Variants in PARD3 observed in about 807,000 individuals in gnomAD.
PARD3 encodes partitioning defective 3 homolog.
In PARD3, 75 loss-of-function variants were observed where a neutral mutation model predicts 155.4. The observed-to-expected ratio is 0.48, with a 90% confidence interval of 0.40 to 0.58. The LOEUF is 0.58. PARD3 is among the 20% of genes least tolerant of loss of function. PARD3 has a pLI of 0.00. For synonymous variants in PARD3, 576 were observed against 610.5 expected (o/e 0.94, Z 0.83); for missense variants, 1,642 against 1,721.7 (o/e 0.95, Z 0.82).
chr10:34,513,438 G>A (rs1267407617), intron 3 of PARD3, among the ~76,000 whole-genome samples: 8 of 152,028 alleles, frequency 5.3e-5, no homozygotes, highest in African/African-American at 1.5e-4. Flanking sequence ...GTGCCACCAC[G>A]CCCAGGTAAT....
At chr10:34,780,309 GT>G (rs1351311077) in intron 1 of PARD3, among the ~76,000 whole-genome samples, 1 of 152,196 alleles carries the variant, frequency 6.6e-6, no homozygotes, top group Non-Finnish European at 1.5e-5. Context: ...CCAAGTACTG[GT>G]TTACGGCAGA....
intron 1 of PARD3, among the ~76,000 whole-genome samples, chr10:34,803,250 T>TGAATA (rs1554836545): frequency 2.0e-5 from 3 of 147,074 alleles, no homozygotes; most frequent in South Asian, 2.2e-4. Flanking sequence ...AAAAAATAAA[T>TGAATA]AATAACAAAA....
At chr10:34,223,224 T>C (rs1952405942) in intron 22 of PARD3, among the ~76,000 whole-genome samples, 1 of 152,030 alleles carries the variant, frequency 6.6e-6, no homozygotes, top group African/African-American at 2.4e-5. Flanking sequence ...GAGGACAGGA[T>C]GTTACACAAG....
At chr10:34,586,632 T>C (rs1038210645) in intron 2 of PARD3, among the ~76,000 whole-genome samples, 1 of 152,158 alleles carries the variant, frequency 6.6e-6, no homozygotes, top group Admixed American at 6.5e-5. Context: ...TGAAAAATAT[T>C]TGCTAGATGA....
chr10:34,799,311 G>T (rs969135064), intron 1 of PARD3, among the ~76,000 whole-genome samples: 1 of 152,116 alleles, frequency 6.6e-6, no homozygotes, highest in African/African-American at 2.4e-5. Flanking sequence ...CAAAGTGCTG[G>T]GATTACAAGC....
chr10:34,462,695 TGGGTG>T (rs2132969219), intron 4 of PARD3, among the ~76,000 whole-genome samples: 1 of 150,336 alleles, frequency 6.7e-6, no homozygotes, highest in South Asian at 2.1e-4. Flanking sequence ...AAAAAATAGC[TGGGTG>T]GGGTGGCCCA....
chr10:34,240,453 CAGATAATTTTA>C (rs1374320456), intron 22 of PARD3, among the ~76,000 whole-genome samples: 1 of 152,068 alleles, frequency 6.6e-6, no homozygotes, highest in Non-Finnish European at 1.5e-5. Context: ...CTTTCATATT[CAGATAATTTTA>C]AGCTTTAGTC....
intron 23 of PARD3, among the ~76,000 whole-genome samples, chr10:34,126,945 G>C (rs1207126031): frequency 1.3e-5 from 2 of 151,928 alleles, no homozygotes; most frequent in Non-Finnish European, 2.9e-5. Context: ...GCTAATACAA[G>C]CCAAGTTGTC....
At chr10:34,567,892 T>C (rs1269378726) in intron 2 of PARD3, among the ~76,000 whole-genome samples, 3 of 152,240 alleles carry the variant, frequency 2.0e-5, no homozygotes, top group African/African-American at 7.2e-5. Flanking sequence ...TGTTGTAGGC[T>C]CTAGCTAGCA....
At chr10:34,628,669 A>C (rs1475011563) in intron 2 of PARD3, among the ~76,000 whole-genome samples, 1 of 152,216 alleles carries the variant, frequency 6.6e-6, no homozygotes, top group Non-Finnish European at 1.5e-5. Flanking sequence ...CAGAAAGCAA[A>C]AAGCTTTGAC....
intron 22 of PARD3, among the ~76,000 whole-genome samples, chr10:34,195,169 T>C (rs867468877): frequency 6.6e-5 from 10 of 152,198 alleles, no homozygotes; most frequent in Non-Finnish European, 1.2e-4. Flanking sequence ...TTGAACACAA[T>C]TAATCCAATG....
intron 2 of PARD3, among the ~76,000 whole-genome samples, chr10:34,667,703 A>G (rs1477846092): frequency 6.6e-6 from 1 of 152,234 alleles, no homozygotes; most frequent in East Asian, 1.9e-4. Context: ...CCAGGCCAGT[A>G]AGACCAGCCC....
chr10:34,177,542 G>A (rs946196316), intron 22 of PARD3, among the ~76,000 whole-genome samples: 18 of 152,256 alleles, frequency 1.2e-4, no homozygotes, highest in Admixed American at 3.3e-4. Context: ...GTCATTCTTC[G>A]TTCTCTCCGA....
At chr10:34,123,588 G>T (rs11009654) in intron 23 of PARD3, among the ~76,000 whole-genome samples, 2,169 of 151,996 alleles carry the variant, frequency 0.014, 12 homozygotes, top group Middle Eastern at 0.027. Flanking sequence ...ACCATGCCTG[G>T]TTAATTTTTT....
At chr10:34,113,720 A>G (rs1430679513) in intron 24 of PARD3, among the ~76,000 whole-genome samples, 1 of 152,152 alleles carries the variant, frequency 6.6e-6, no homozygotes, top group Non-Finnish European at 1.5e-5. Context: ...GGCTTAGAGC[A>G]ACGTAGATTC....
chr10:34,454,904 A>G (rs1263212503), intron 4 of PARD3, among the ~76,000 whole-genome samples: 1 of 152,030 alleles, frequency 6.6e-6, no homozygotes, highest in Non-Finnish European at 1.5e-5. Flanking sequence ...TTTCAGGGTA[A>G]GGAAAGTAAG....
chr10:34,503,409 T>C (rs903091550), intron 3 of PARD3, among the ~76,000 whole-genome samples: 3 of 152,204 alleles, frequency 2.0e-5, no homozygotes, highest in Non-Finnish European at 4.4e-5. Flanking sequence ...CTAACTGTAT[T>C]TTCTCATCTT....
At chr10:34,408,216 C>CAA (rs150007962) in intron 5 of PARD3, among the ~76,000 whole-genome samples, 28 of 137,848 alleles carry the variant, frequency 2.0e-4, no homozygotes, top group African/African-American at 4.1e-4. Context: ...TTAGAAAGCA[C>CAA]AAAAAAAAAA....
chr10:34,583,182 A>G (rs2087657016), intron 2 of PARD3, among the ~76,000 whole-genome samples: 1 of 152,246 alleles, frequency 6.6e-6, no homozygotes, highest in Non-Finnish European at 1.5e-5. Context: ...ACAAATACTG[A>G]ATAAATATAA....
Sources: allele counts gnomAD v4.1 joint callset (sites outside exome capture counted in the v4.1 genomes callset), GRCh38; gene constraint gnomAD v4.1.1; transcripts MANE v1.5; gene names NCBI Gene and HGNC (gene_info 2026-07-23, HGNC 2026-07-21).